RREB1: variants seen among roughly 807,000 people sequenced by gnomAD.
The protein encoded by RREB1 is ras-responsive element-binding protein 1.
RREB1 carries 27 observed loss-of-function variants against 117.8 expected under a neutral mutation model. The ratio of observed to expected loss-of-function variants is 0.23; its 90% CI spans 0.17 to 0.32. The LOEUF (loss-of-function observed/expected upper bound fraction) is 0.32. Ranked by LOEUF, RREB1 falls within the 10% of genes least tolerant of loss-of-function variation. The pLI, the probability that RREB1 is intolerant of heterozygous loss-of-function variation, is 1.00. For missense variants in RREB1, 2,577 were observed against 2,378.2 expected, an observed-to-expected ratio of 1.08 and a Z score of -1.74; for synonymous variants, 1,298 against 1,026.7, an observed-to-expected ratio of 1.26 and a Z score of -5.05.
At chr6:7,244,680 A>G (rs531530139) in intron 11 of RREB1, among the ~76,000 whole-genome samples, 2 of 152,352 alleles carry the variant, frequency 1.3e-5, no homozygotes, top group East Asian at 3.9e-4. Context: ...CTCTTGAGAT[A>G]CCCAAACAGT....
At chr6:7,154,044 C>T (rs949746492) in intron 1 of RREB1, among the ~76,000 whole-genome samples, 1 of 152,226 alleles carries the variant, frequency 6.6e-6, no homozygotes. Context: ...TGTGACCTGC[C>T]TGACCACAAA....
intron 1 of RREB1, among the ~76,000 whole-genome samples, chr6:7,137,219 A>G (rs1425245883): frequency 6.6e-6 from 1 of 152,194 alleles, no homozygotes; most frequent in Non-Finnish European, 1.5e-5. Flanking sequence ...GGAGCAGGCA[A>G]GGGACCAAGA....
At chr6:7,170,503 G>A (rs771295755) in intron 1 of RREB1, among the ~76,000 whole-genome samples, 31 of 152,076 alleles carry the variant, frequency 2.0e-4, no homozygotes, top group Non-Finnish European at 3.5e-4. Context: ...GGAGCTTTTC[G>A]GGAAGTACCA....
At chr6:7,159,531 T>C (rs531154349) in intron 1 of RREB1, among the ~76,000 whole-genome samples, 78 of 152,352 alleles carry the variant, frequency 5.1e-4, no homozygotes, top group South Asian at 6.2e-4. Flanking sequence ...GCTTTAGGAA[T>C]TGATTTAACG....
Position 7,231,440 on chromosome 6 carries a change from C to T in RREB1, c.3341C>T (p.Thr1114Ile), listed in dbSNP as rs1287986836. 17 of 1,612,982 alleles carry T rather than the reference C, an allele frequency of 1.1e-5. No homozygotes were observed. The highest frequency in any genetic ancestry group is 1.7e-5 in the Admixed American group (1 of 60,010). Residue 1114 changes from threonine (T) to isoleucine (I), a missense_variant, in exon 10 of 13, where the codon ACC becomes ATC. Physicochemically the swap from Thr to Ile is moderately conservative, Grantham distance 89. Coordinates refer to ENST00000379938, the MANE Select transcript of RREB1 (RefSeq NM_001003699.4). ...GGTTCTGTCCCCAAAGCCGCCACCA[C>T]CGCCACCCCCGCTGCCACCACCAGC... ...LGGSVPKAAT[T>I]ATPAATTSPK...
At chr6:7,203,968 T>C (rs1000167143) in intron 6 of RREB1, among the ~76,000 whole-genome samples, 1 of 152,084 alleles carries the variant, frequency 6.6e-6, no homozygotes, top group Non-Finnish European at 1.5e-5. Context: ...AACTGGCCAG[T>C]GGTGGTGGCT....
intron 1 of RREB1, among the ~76,000 whole-genome samples, chr6:7,162,340 T>C (rs1391119452): frequency 6.6e-6 from 1 of 152,174 alleles, no homozygotes; most frequent in African/African-American, 2.4e-5. Flanking sequence ...TTCTGCACAC[T>C]GTGTTAACAG....
chr6:7,228,006 G>C lies in RREB1; in HGVS notation c.898-991G>C, dbSNP rs1034514460. On this transcript the variant is annotated intron_variant, in intron 9 of 12. Coordinates refer to ENST00000379938, the MANE Select transcript of RREB1 (RefSeq NM_001003699.4). ...CTCTTGAACCCGGGAGGTGGAGGTC[G>C]CAGTGAACCCAGATCATGCCTGGGT... 3.3e-4 allele frequency among the ~76,000 whole-genome samples: 50 copies of C among 152,198 alleles called. 1 individual carries two copies. The highest frequency in any genetic ancestry group is 5.2e-4 in the Admixed American group (8 of 15,288).
In RREB1 at chr6:7,231,412, G is replaced by A; in HGVS notation, c.3313G>A (p.Gly1105Arg). 6.2e-7 allele frequency: 1 copy of A among 1,613,472 alleles called. No homozygotes were observed. The change falls in exon 10 of 13, where the codon GGA (glycine) becomes AGA (arginine). Residue 1105 changes from glycine (G) to arginine (R), a missense_variant. Transcript: ENST00000379938. ...GSNTTASDSL[G>R]GSVPKAATTA... Reference sequence around the variant, plus strand: ...TAACACCACGGCTTCAGACAGCTTAGGAGGTTCTGTCCCCAAAGCCGCCAC... The same window carrying A: ...TAACACCACGGCTTCAGACAGCTTAAGAGGTTCTGTCCCCAAAGCCGCCAC...
At chr6:7,204,308 G>A (rs533308483) in intron 6 of RREB1, among the ~76,000 whole-genome samples, 22 of 97,956 alleles carry the variant, frequency 2.2e-4, no homozygotes, top group African/African-American at 7.4e-4. Flanking sequence ...TCCTCCCCCC[G>A]CCCCCTCCCT....
chr6:7,205,737 C>T (rs1766235317), intron 6 of RREB1, among the ~76,000 whole-genome samples: 1 of 152,174 alleles, frequency 6.6e-6, no homozygotes, highest in Non-Finnish European at 1.5e-5. Flanking sequence ...GCCTTCAGCC[C>T]TTGCACAGGG....
intron 11 of RREB1, among the ~76,000 whole-genome samples, chr6:7,243,636 C>G (rs1190319402): frequency 1.3e-5 from 2 of 152,028 alleles, no homozygotes; most frequent in African/African-American, 4.8e-5. Flanking sequence ...AAGGGCACAG[C>G]CTACACTGCT....
At chr6:7,199,305 G>A (rs1018249602) in intron 6 of RREB1, among the ~76,000 whole-genome samples, 1 of 152,150 alleles carries the variant, frequency 6.6e-6, no homozygotes, top group Non-Finnish European at 1.5e-5. Flanking sequence ...ATATACTCAA[G>A]CCTCTGGCTC....
At position 7,248,620 on chromosome 6, in the gene RREB1, G is replaced by C; in HGVS notation, c.4881G>C (p.Gly1627=). 1.2e-6 allele frequency: 2 copies of C among 1,614,264 alleles called. No homozygotes were observed. The highest frequency in any genetic ancestry group is 1.7e-6 in the Non-Finnish European group (2 of 1,180,040). ...HQKARHAKHH[G]KDSDKEERGE... ...AAGCCAGGCATGCCAAACACCACGGGAAGGACAGCGACAAGGAAGAGCGGG... is the reference window on the plus strand; with the variant it reads ...AAGCCAGGCATGCCAAACACCACGGCAAGGACAGCGACAAGGAAGAGCGGG... The change falls in exon 13 of 13, where the codon GGG becomes GGC. Residue 1627 remains glycine, a synonymous_variant. Coordinates refer to ENST00000379938, the MANE Select transcript of RREB1 (RefSeq NM_001003699.4).
chr6:7,243,610 AGTT>A lies in RREB1; in HGVS notation c.3974-2810_3974-2808del, dbSNP rs1231704910. Among the ~76,000 whole-genome samples the A allele has an allele frequency of 3.9e-5, 6 of 152,300 alleles. No individual in the cohort carries two copies. The South Asian group carries it at 1.0e-3, about 26-fold the overall frequency. On this transcript the variant is annotated intron_variant, in intron 11 of 12. Coordinates refer to ENST00000379938, the MANE Select transcript of RREB1 (RefSeq NM_001003699.4). ...TTCATGAGAATCACTAATGAAAATC[AGTT>A]GTTTAGAATGTGAAGGGCACAGCCT... is the stretch of plus-strand genomic sequence containing the variant.
chr6:7,182,010 T>C lies in RREB1; in HGVS notation c.99T>C (p.Asn33=). Residue 33 remains asparagine (N), a synonymous_variant, in exon 4 of 13, where the codon AAT becomes AAC. Transcript: ENST00000379938. The stretch of plus-strand genomic sequence containing the variant: ...TGAGTGTAGGGAAGGTCACAGAGAA[T>C]GGCGGGAGCCCCCAGGGGATCAAGT... ...AVMSVGKVTE[N]GGSPQGIKSP... 1.2e-6 allele frequency: 2 copies of C among 1,614,018 alleles called. No individual in the cohort carries two copies. Among genetic ancestry groups the C allele is most frequent in the South Asian group, 1.1e-5 (1 of 91,080 alleles).
intron 1 of RREB1, among the ~76,000 whole-genome samples, chr6:7,163,595 C>T (rs528161315): frequency 1.1e-4 from 17 of 152,120 alleles, no homozygotes; most frequent in African/African-American, 3.4e-4. Flanking sequence ...GGGGTTTCAC[C>T]GTGTTAGCCA....
intron 12 of RREB1, among the ~76,000 whole-genome samples, chr6:7,247,534 A>G (rs927145493): frequency 6.6e-6 from 1 of 152,106 alleles, no homozygotes; most frequent in Non-Finnish European, 1.5e-5. Flanking sequence ...GCCCTGTTTC[A>G]TAGAGGTATC....
chr6:7,242,619 G>T (rs1456979182), intron 11 of RREB1, among the ~76,000 whole-genome samples: 2 of 146,930 alleles, frequency 1.4e-5, no homozygotes, highest in Admixed American at 1.4e-4. Flanking sequence ...TGATGGACAT[G>T]GGGTGAAGCC....
Sources: allele counts gnomAD v4.1 joint callset (sites outside exome capture counted in the v4.1 genomes callset), GRCh38; gene constraint gnomAD v4.1.1; transcripts MANE v1.5; gene names NCBI Gene and HGNC (gene_info 2026-07-23, HGNC 2026-07-21).